IMPA2: variants seen among roughly 807,000 people sequenced by gnomAD.
IMPA2 encodes inositol monophosphatase 2.
Under a neutral mutation model 35.1 loss-of-function variants are expected in IMPA2, and 32 were observed. That is an observed-to-expected ratio of 0.91 (90% CI 0.69 to 1.23). The LOEUF (loss-of-function observed/expected upper bound fraction) is 1.23, where lower values mean the gene tolerates loss of function less well. Among genes scored for constraint, IMPA2 ranks in the 50% most tolerant of loss-of-function variants. The pLI is 0.00. For missense variants in IMPA2, 334 were observed against 387.6 expected (o/e 0.86, Z 1.16); for synonymous variants, 135 against 160.6 (o/e 0.84, Z 1.20).
intron 2 of IMPA2, among the ~76,000 whole-genome samples, chr18:11,999,464 C>T (rs895982846): frequency 6.6e-6 from 1 of 152,258 alleles, no homozygotes; most frequent in Non-Finnish European, 1.5e-5. Context: ...GGAAAAGCTC[C>T]TTGCACCCCT....
chr18:12,028,787 A>G, intron 6 of IMPA2, 55 bp from the exon 7 acceptor site: 1 of 1,572,652 alleles, frequency 6.4e-7, no homozygotes, highest in Non-Finnish European at 8.6e-7. Flanking sequence ...CGGCTTGCAC[A>G]CCACAGAAAA....
chr18:12,029,062 C>T, intron 7 of IMPA2, 69 bp downstream of exon 7: 5 of 1,347,426 alleles, frequency 3.7e-6, no homozygotes, highest in Non-Finnish European at 5.1e-6. Context: ...TGGGGCACTT[C>T]CTGAAGTCCC....
At chr18:12,007,547 T>C (rs190589958) in intron 2 of IMPA2, among the ~76,000 whole-genome samples, 1,534 of 151,850 alleles carry the variant, frequency 0.01, 89 homozygotes, top group Admixed American at 0.092. Flanking sequence ...CACCAGAACA[T>C]GGGACGCTTC....
At chr18:11,985,814 T>C (rs574834211) in intron 1 of IMPA2, among the ~76,000 whole-genome samples, 2 of 152,298 alleles carry the variant, frequency 1.3e-5, no homozygotes, top group South Asian at 4.1e-4. Flanking sequence ...GCAAACCCTA[T>C]TGAAGCAAAG....
chr18:11,996,085 A>C (rs186353291), intron 1 of IMPA2, among the ~76,000 whole-genome samples: 35 of 152,334 alleles, frequency 2.3e-4, no homozygotes, highest in African/African-American at 8.4e-4. Flanking sequence ...AGAGACAGTC[A>C]AAAACAAAAC....
chr18:11,996,867 C>T (rs192027128), intron 1 of IMPA2, among the ~76,000 whole-genome samples: 8 of 152,224 alleles, frequency 5.3e-5, no homozygotes, highest in Non-Finnish European at 2.9e-5. Context: ...CACACACACA[C>T]ACCCAGAAAT....
intron 5 of IMPA2, among the ~76,000 whole-genome samples, chr18:12,020,471 G>T (rs146890733): frequency 0.024 from 3,648 of 152,318 alleles, 62 homozygotes; most frequent in South Asian, 0.059. Context: ...GGGATTATAG[G>T]CATGAGCCAC....
chr18:12,027,092 G>C (rs573543515), intron 5 of IMPA2, among the ~76,000 whole-genome samples: 2 of 152,344 alleles, frequency 1.3e-5, no homozygotes, highest in Admixed American at 6.5e-5. Flanking sequence ...GATAGGATTT[G>C]TTTCCCCCGA....
intron 5 of IMPA2, among the ~76,000 whole-genome samples, chr18:12,022,782 C>CTTT (rs71172045): frequency 7.0e-6 from 1 of 142,622 alleles, no homozygotes; most frequent in African/African-American, 2.6e-5. Context: ...ATACTCTGTT[C>CTTT]TTTTTTTTTT....
intron 1 of IMPA2, among the ~76,000 whole-genome samples, chr18:11,994,527 C>G (rs1280538379): frequency 6.6e-6 from 1 of 152,234 alleles, no homozygotes; most frequent in Non-Finnish European, 1.5e-5. Context: ...CCCCCAGCAC[C>G]CGCCTCCTCC....
rs777249397 is a variant in IMPA2 at position 12,029,044 on chromosome 18, A to T, written c.751+51A>T. ...AGCGGCAGAAACTAGACTGAGAGAC[A>T]CTGTGGGTGGGGCACTTCCTGAAGT... On this transcript the variant is annotated intron_variant, in intron 7 of 7. Transcript: ENST00000269159. The T allele has an allele frequency of 2.6e-6, 4 of 1,555,012 alleles. No individual in the cohort carries two copies. The South Asian group carries it at 4.6e-5, about 18-fold the overall frequency.
At chr18:12,021,569 A>T (rs1434456880) in intron 5 of IMPA2, 1 of 151,720 alleles carries the variant, frequency 6.6e-6, no homozygotes, top group East Asian at 1.9e-4. Flanking sequence ...CCCAGCCTGG[A>T]GTGCAGTGGC....
chr18:12,029,783 C>A (rs116584240), intron 7 of IMPA2, among the ~76,000 whole-genome samples: 2 of 152,216 alleles, frequency 1.3e-5, no homozygotes, highest in African/African-American at 4.8e-5. Context: ...TGAAGGCTCA[C>A]GTATGTGCAA....
chr18:12,001,414 C>T (rs1490847245), intron 2 of IMPA2, among the ~76,000 whole-genome samples: 1 of 151,968 alleles, frequency 6.6e-6, no homozygotes, highest in Non-Finnish European at 1.5e-5. Context: ...AGGGCTGGCT[C>T]ATCTGCGTGG....
chr18:12,028,338 C>T, intron 6 of IMPA2, 187 bp downstream of exon 6: 2 of 575,560 alleles, frequency 3.5e-6, no homozygotes, highest in Non-Finnish European at 6.2e-6. Flanking sequence ...ATAGCCAGGC[C>T]TCTGGAGATG....
At chr18:11,984,700 G>C (rs1402887873) in intron 1 of IMPA2, among the ~76,000 whole-genome samples, 2 of 152,050 alleles carry the variant, frequency 1.3e-5, no homozygotes. Context: ...GGGCGCGGTG[G>C]CTCACGCCTG....
intron 6 of IMPA2, 137 bp from the exon 7 acceptor site, chr18:12,028,705 A>G: frequency 4.9e-6 from 5 of 1,025,090 alleles, no homozygotes; most frequent in Non-Finnish European, 7.1e-6. Context: ...TTCAGCCTCC[A>G]GAGCTTTGGC....
intron 7 of IMPA2, 34 bp from the exon 8 acceptor site, chr18:12,030,309 A>G (rs1300053716): frequency 1.3e-6 from 2 of 1,532,408 alleles, no homozygotes; most frequent in African/African-American, 2.7e-5. Flanking sequence ...CTCTCTGGTA[A>G]CCCGGATGCC....
At chr18:11,987,984 A>G (rs1316831151) in intron 1 of IMPA2, among the ~76,000 whole-genome samples, 1 of 146,582 alleles carries the variant, frequency 6.8e-6, no homozygotes, top group Non-Finnish European at 1.5e-5. Context: ...ATGAAGTTAA[A>G]TGCACATGTT....
Sources: gnomAD v4.1 joint callset for allele counts (sites outside exome capture counted in the v4.1 genomes callset) on GRCh38, gnomAD v4.1.1 for gene constraint, MANE v1.5 for transcripts, NCBI Gene and HGNC (gene_info 2026-07-23, HGNC 2026-07-21) for gene names.